Variants in SLC35F3 observed in about 807,000 individuals in gnomAD.
SLC35F3 encodes the protein putative thiamine transporter SLC35F3.
SLC35F3 carries 25 observed loss-of-function variants against 49.9 expected under a neutral mutation model. The ratio of observed to expected loss-of-function variants is 0.50; its 90% CI spans 0.37 to 0.70. The LOEUF (loss-of-function observed/expected upper bound fraction) is 0.70, where lower values mean the gene tolerates loss of function less well. Ranked by LOEUF, SLC35F3 falls within the 30% of genes least tolerant of loss-of-function variation. The probability of loss-of-function intolerance (pLI) is 0.00; values close to 1 mark genes in which losing one functional copy is unlikely to be tolerated. For missense variants in SLC35F3, 525 were observed against 639.8 expected, an observed-to-expected ratio of 0.82 and a Z score of 1.94; for synonymous variants, 275 against 265.4, an observed-to-expected ratio of 1.04 and a Z score of -0.35.
intron 2 of SLC35F3, among the ~76,000 whole-genome samples, chr1:234,072,686 G>A (rs1386220791): frequency 6.6e-6 from 1 of 152,138 alleles, no homozygotes; most frequent in Non-Finnish European, 1.5e-5. Context: ...GAAAGCCAAT[G>A]CAACCCCTTG....
intron 2 of SLC35F3, among the ~76,000 whole-genome samples, chr1:233,964,749 G>A (rs1038283783): frequency 1.3e-5 from 2 of 152,220 alleles, no homozygotes; most frequent in African/African-American, 2.4e-5. Flanking sequence ...TATGAGTTCT[G>A]ATGGTAGCAC....
intron 4 of SLC35F3, among the ~76,000 whole-genome samples, chr1:234,312,025 T>C (rs1657368527): frequency 6.6e-6 from 1 of 152,246 alleles, no homozygotes; most frequent in African/African-American, 2.4e-5. Flanking sequence ...CATGGCATTA[T>C]TCTTATTATT....
chr1:234,293,173 C>A (rs1243376986), intron 3 of SLC35F3, among the ~76,000 whole-genome samples: 1 of 152,204 alleles, frequency 6.6e-6, no homozygotes, highest in Non-Finnish European at 1.5e-5. Flanking sequence ...TCTCTCACAG[C>A]TAGAGCTGAC....
At chr1:234,239,259 TG>T (rs1449684074) in intron 3 of SLC35F3, among the ~76,000 whole-genome samples, 1 of 152,146 alleles carries the variant, frequency 6.6e-6, no homozygotes, top group Non-Finnish European at 1.5e-5. Context: ...TTAATCTTTG[TG>T]CGGGTCAGAT....
chr1:234,195,976 T>G (rs1217054248), intron 2 of SLC35F3, among the ~76,000 whole-genome samples: 1 of 151,864 alleles, frequency 6.6e-6, no homozygotes, highest in African/African-American at 2.4e-5. Context: ...GAATTGTGAG[T>G]CCATTAAACC....
intron 2 of SLC35F3, among the ~76,000 whole-genome samples, chr1:234,014,469 C>G (rs951174774): frequency 6.6e-6 from 1 of 152,086 alleles, no homozygotes; most frequent in Non-Finnish European, 1.5e-5. Flanking sequence ...GGAAGTACTA[C>G]TAGCCAGAGC....
At chr1:234,015,207 G>A (rs1663782649) in intron 2 of SLC35F3, among the ~76,000 whole-genome samples, 1 of 152,038 alleles carries the variant, frequency 6.6e-6, no homozygotes, top group Non-Finnish European at 1.5e-5. Flanking sequence ...TTAGCCAGGT[G>A]CGGTGTGGTG....
At position 234,316,047 on chromosome 1, in the gene SLC35F3, G is replaced by A. The variant is rs575999789; in HGVS notation, c.829-555G>A. 9.2e-5 allele frequency among the ~76,000 whole-genome samples: 14 copies of A among 152,342 alleles called. No homozygotes were observed. The East Asian group carries it at 2.5e-3, about 27-fold the overall frequency. On this transcript the variant is annotated intron_variant, in intron 4 of 7. Coordinates refer to ENST00000366618, the MANE Select transcript of SLC35F3 (RefSeq NM_173508.4). ...CGAAGGAAAGGAATAGCACCTCCAA[G>A]GTTAGGACATTATTTGTAGCCTTGA... is the stretch of plus-strand genomic sequence containing the variant.
intron 3 of SLC35F3, among the ~76,000 whole-genome samples, chr1:234,302,930 A>C (rs1055519048): frequency 2.0e-5 from 3 of 152,184 alleles, no homozygotes; most frequent in Non-Finnish European, 2.9e-5. Context: ...GTAGTAAAAG[A>C]ATTATGGTAA....
intron 3 of SLC35F3, among the ~76,000 whole-genome samples, chr1:234,290,623 C>A (rs1409767744): frequency 2.0e-5 from 3 of 152,196 alleles, no homozygotes; most frequent in Non-Finnish European, 4.4e-5. Context: ...CATTTCCGTC[C>A]CCCACCCTGG....
intron 2 of SLC35F3, among the ~76,000 whole-genome samples, chr1:233,996,024 G>T (rs1351937222): frequency 6.6e-6 from 1 of 152,148 alleles, no homozygotes; most frequent in Non-Finnish European, 1.5e-5. Context: ...GTCCTCAACT[G>T]TGGGCATTTT....
At chr1:233,915,699 G>A (rs112655194) in intron 2 of SLC35F3, among the ~76,000 whole-genome samples, 2 of 152,124 alleles carry the variant, frequency 1.3e-5, no homozygotes, top group African/African-American at 4.8e-5. Flanking sequence ...ACAGTTCCAC[G>A]TGGCTGGGGA....
intron 2 of SLC35F3, among the ~76,000 whole-genome samples, chr1:234,053,394 C>T (rs1664407229): frequency 6.6e-6 from 1 of 152,118 alleles, no homozygotes; most frequent in African/African-American, 2.4e-5. Context: ...ATGTAATGGC[C>T]TTCTTTGTGT....
At chr1:234,090,412 G>T (rs1665024944) in intron 2 of SLC35F3, among the ~76,000 whole-genome samples, 1 of 152,236 alleles carries the variant, frequency 6.6e-6, no homozygotes, top group African/African-American at 2.4e-5. Flanking sequence ...GCAGCAACAG[G>T]TTTTGCAAAA....
Position 234,275,792 on chromosome 1 carries a change from A to ATGC in SLC35F3, c.609-33292_609-33290dup, listed in dbSNP as rs145881047. Among the ~76,000 whole-genome samples, 23 of 151,204 alleles carry ATGC rather than the reference A, an allele frequency of 1.5e-4. No individual in the cohort carries two copies. In the East Asian group the frequency reaches 3.1e-3, roughly 20 times the overall value. On this transcript the variant is annotated intron_variant, in intron 3 of 7. Coordinates refer to ENST00000366618, the MANE Select transcript of SLC35F3 (RefSeq NM_173508.4). ...TATATATATATATATAGCACAGAAGATGCTGCTGCTGCTGCTGCTAGCTAA... is the reference window on the plus strand; with the variant it reads ...TATATATATATATATAGCACAGAAGATGCTGCTGCTGCTGCTGCTGCTAGCTAA...
intron 3 of SLC35F3, among the ~76,000 whole-genome samples, chr1:234,264,120 C>A (rs748704370): frequency 2.2e-4 from 34 of 152,122 alleles, no homozygotes; most frequent in South Asian, 4.1e-4. Context: ...ACAACAACAA[C>A]AAAAAATGCC....
intron 2 of SLC35F3, among the ~76,000 whole-genome samples, chr1:234,210,559 C>A (rs1005732531): frequency 3.3e-5 from 5 of 152,148 alleles, no homozygotes; most frequent in Admixed American, 2.6e-4. Context: ...GGAACTGGAG[C>A]AAAGGTGACT....
intron 3 of SLC35F3, among the ~76,000 whole-genome samples, chr1:234,273,542 A>G (rs1422292201): frequency 2.0e-5 from 3 of 152,254 alleles, no homozygotes; most frequent in Non-Finnish European, 4.4e-5. Context: ...ATAATACTCC[A>G]TCTTTCAGGA....
chr1:234,287,777 C>T (rs1253810871), intron 3 of SLC35F3, among the ~76,000 whole-genome samples: 1 of 152,180 alleles, frequency 6.6e-6, no homozygotes, highest in African/African-American at 2.4e-5. Context: ...GGATGTAAGA[C>T]TTAAATATGT....
Sources: allele counts gnomAD v4.1 joint callset (sites outside exome capture counted in the v4.1 genomes callset), GRCh38; gene constraint gnomAD v4.1.1; transcripts MANE v1.5; gene names NCBI Gene and HGNC (gene_info 2026-07-23, HGNC 2026-07-21).